CATSPERB: variants seen among roughly 807,000 people sequenced by gnomAD.
The protein encoded by CATSPERB is cation channel sperm-associated auxiliary subunit beta.
Under a neutral mutation model 128.3 loss-of-function variants are expected in CATSPERB, and 93 were observed. The ratio of observed to expected loss-of-function variants is 0.72; its 90% CI spans 0.61 to 0.86. The LOEUF (loss-of-function observed/expected upper bound fraction) is 0.86, where lower values mean the gene tolerates loss of function less well. CATSPERB is among the 40% of genes least tolerant of loss of function. The pLI is 0.00. For synonymous variants in CATSPERB, 381 were observed against 448.8 expected, an observed-to-expected ratio of 0.85 and a Z score of 1.91; for missense variants, 1,153 against 1,329.5, an observed-to-expected ratio of 0.87 and a Z score of 2.06.
chr14:91,617,403 T>C (rs939616637), intron 20 of CATSPERB, among the ~76,000 whole-genome samples, 194 bp downstream of exon 20: 2 of 152,198 alleles, frequency 1.3e-5, no homozygotes, highest in African/African-American at 4.8e-5. Context: ...AAAAATATTA[T>C]GTAGGACATA....
At chr14:91,645,867 G>A (rs978561558) in intron 15 of CATSPERB, among the ~76,000 whole-genome samples, 4 of 150,192 alleles carry the variant, frequency 2.7e-5, no homozygotes, top group Admixed American at 6.6e-5. Context: ...GAGATTCCGT[G>A]GGCGTAGGAC....
chr14:91,607,495 T>C (rs1893733471), intron 22 of CATSPERB, among the ~76,000 whole-genome samples: 1 of 152,108 alleles, frequency 6.6e-6, no homozygotes, highest in African/African-American at 2.4e-5. Context: ...ATGCCCAGCA[T>C]ATTGGAGAAA....
At chr14:91,660,058 GA>G in intron 14 of CATSPERB, 77 bp from the exon 15 acceptor site, 1 of 1,288,894 alleles carries the variant, frequency 7.8e-7, no homozygotes, top group South Asian at 1.5e-5. Flanking sequence ...GCCTACATGA[GA>G]ATAGCCATGT....
chr14:91,615,722 C>T (rs563517040), intron 20 of CATSPERB, among the ~76,000 whole-genome samples: 9 of 152,174 alleles, frequency 5.9e-5, no homozygotes, highest in South Asian at 2.1e-4. Context: ...TAGGTTGACC[C>T]GGTAACTTGG....
At chr14:91,685,192 A>T (rs945043503) in intron 10 of CATSPERB, among the ~76,000 whole-genome samples, 1 of 152,168 alleles carries the variant, frequency 6.6e-6, no homozygotes, top group African/African-American at 2.4e-5. Flanking sequence ...TTTGTAAAGC[A>T]CTGGGACTAT....
chr14:91,701,800 A>G (rs112430136), intron 7 of CATSPERB, among the ~76,000 whole-genome samples: 2,271 of 151,902 alleles, frequency 0.015, 56 homozygotes, highest in African/African-American at 0.051. Context: ...AGTCCCAGCT[A>G]TGTGGGAGGC....
chr14:91,712,667 C>A (rs1189817909), intron 5 of CATSPERB, among the ~76,000 whole-genome samples: 1 of 151,602 alleles, frequency 6.6e-6, no homozygotes, highest in African/African-American at 2.4e-5. Context: ...TGTAAGTATT[C>A]ATTCATTCAT....
chr14:91,651,919 C>T (rs1894709600), intron 15 of CATSPERB, among the ~76,000 whole-genome samples: 2 of 152,148 alleles, frequency 1.3e-5, no homozygotes, highest in Non-Finnish European at 2.9e-5. Flanking sequence ...ATGAACCTCA[C>T]TTCATGACAT....
chr14:91,694,127 A>AT (rs1433731284), intron 7 of CATSPERB, among the ~76,000 whole-genome samples: 1 of 151,308 alleles, frequency 6.6e-6, no homozygotes, highest in Admixed American at 6.6e-5. Flanking sequence ...AATAAAAAAA[A>AT]ATTGTGTGCT....
At chr14:91,725,765 C>G (rs1196084935) in intron 2 of CATSPERB, among the ~76,000 whole-genome samples, 1 of 152,106 alleles carries the variant, frequency 6.6e-6, no homozygotes, top group Non-Finnish European at 1.5e-5. Context: ...GACAGAAATA[C>G]TGGGTAGAAG....
intron 13 of CATSPERB, among the ~76,000 whole-genome samples, chr14:91,672,485 T>G (rs1384526303): frequency 6.6e-6 from 1 of 152,208 alleles, no homozygotes; most frequent in African/African-American, 2.4e-5. Context: ...AGAATTCTAA[T>G]TCACAGGTAG....
chr14:91,665,793 C>T (rs896766040), intron 14 of CATSPERB, among the ~76,000 whole-genome samples: 1 of 152,044 alleles, frequency 6.6e-6, no homozygotes. Context: ...TCACTTGAAC[C>T]CGGGAGGTGG....
intron 11 of CATSPERB, among the ~76,000 whole-genome samples, chr14:91,678,910 T>C (rs1019643061): frequency 1.9e-4 from 29 of 152,298 alleles, no homozygotes; most frequent in African/African-American, 7.0e-4. Context: ...AACTTTAAGG[T>C]TCTTAGGTGA....
rs369748395 is a variant in CATSPERB, at chr14:91,631,420, T to C, written c.1742+5005A>G. Among the ~76,000 whole-genome samples the C allele has an allele frequency of 2.3e-4, 35 of 152,246 alleles. No individual in the cohort carries two copies. In the East Asian group the frequency reaches 3.1e-3, roughly 13 times the overall value. On this transcript the variant is annotated intron_variant, in intron 17 of 26. Coordinates refer to ENST00000256343, the MANE Select transcript of CATSPERB (RefSeq NM_024764.4). Reference sequence around the variant, plus strand: ...GGCTCATGCCTGTAATCCCAGCACTTTGGGAGGCCGAGGCGGGTGGATCAC... The same window carrying C: ...GGCTCATGCCTGTAATCCCAGCACTCTGGGAGGCCGAGGCGGGTGGATCAC...
At chr14:91,588,231 G>T (rs1393504945) in intron 24 of CATSPERB, among the ~76,000 whole-genome samples, 153 bp from the exon 25 acceptor site, 1 of 151,986 alleles carries the variant, frequency 6.6e-6, no homozygotes, top group Non-Finnish European at 1.5e-5. Context: ...TGCACATTAA[G>T]GTACAATGAA....
chr14:91,640,019 T>G (rs1894462576), intron 15 of CATSPERB, among the ~76,000 whole-genome samples: 1 of 152,118 alleles, frequency 6.6e-6, no homozygotes, highest in South Asian at 2.1e-4. Context: ...ATTCCCAAAT[T>G]TAAGTCTACC....
Position 91,624,966 on chromosome 14 carries a change from G to A in CATSPERB, c.1784C>T (p.Thr595Met), listed in dbSNP as rs775184711. 9.3e-6 allele frequency: 15 copies of A among 1,606,880 alleles called. No homozygotes were observed. The highest frequency in any genetic ancestry group is 2.2e-5 in the South Asian group (2 of 89,284). Residue 595 changes from threonine (T) to methionine (M), a missense_variant, in exon 18 of 27, where the codon ACG becomes ATG. By Grantham distance (81) the Thr-to-Met change is moderately conservative. Coordinates refer to ENST00000256343, the MANE Select transcript of CATSPERB (RefSeq NM_024764.4). ...TGAGGACAAAAATCCTTTAGGAGTC[G>A]TATGTTGCAATACCTTTCTTATGTA... ...RAYIRKVLQH[T>M]TPKGFLSSVI...
At chr14:91,663,272 A>C (rs1457436899) in intron 14 of CATSPERB, among the ~76,000 whole-genome samples, 1 of 152,222 alleles carries the variant, frequency 6.6e-6, no homozygotes, top group Non-Finnish European at 1.5e-5. Flanking sequence ...GTGTAACTTA[A>C]GATCAGTCTT....
intron 26 of CATSPERB, among the ~76,000 whole-genome samples, chr14:91,583,423 A>G (rs946764507): frequency 6.6e-6 from 1 of 152,198 alleles, no homozygotes; most frequent in Non-Finnish European, 1.5e-5. Context: ...CATCTCAAAA[A>G]AAAAAATTTT....
Sources: allele counts gnomAD v4.1 joint callset (sites outside exome capture counted in the v4.1 genomes callset), GRCh38; gene constraint gnomAD v4.1.1; transcripts MANE v1.5; gene names NCBI Gene and HGNC (gene_info 2026-07-23, HGNC 2026-07-21).